Variants in RBFOX1 observed in about 807,000 individuals in gnomAD.
The protein encoded by RBFOX1 is RNA binding protein fox-1 homolog 1.
RBFOX1 carries 8 observed loss-of-function variants against 57.7 expected under a neutral mutation model. That is an observed-to-expected ratio of 0.14 (90% CI 0.08 to 0.25). RBFOX1 has a LOEUF of 0.25. Ranked by LOEUF, RBFOX1 falls within the 10% of genes least tolerant of loss-of-function variation. The probability of loss-of-function intolerance (pLI) is 1.00; values close to 1 mark genes in which losing one functional copy is unlikely to be tolerated. For synonymous variants in RBFOX1, 326 were observed against 222.4 expected (o/e 1.47, Z -4.15); for missense variants, 611 against 548.5 (o/e 1.11, Z -1.14).
At chr16:6,407,025 G>C (rs2093305693) in intron 2 of RBFOX1, among the ~76,000 whole-genome samples, 1 of 152,164 alleles carries the variant, frequency 6.6e-6, no homozygotes, top group Non-Finnish European at 1.5e-5. Flanking sequence ...TCTTTTGAAA[G>C]AGGTTTGGAA....
chr16:7,084,246 ATATG>A (rs1337119155), intron 4 of RBFOX1, among the ~76,000 whole-genome samples: 1 of 152,186 alleles, frequency 6.6e-6, no homozygotes, highest in Non-Finnish European at 1.5e-5. Flanking sequence ...ATATATGTAT[ATATG>A]TGTGTGTGTG....
At chr16:6,953,969 A>T (rs2081274503) in intron 3 of RBFOX1, among the ~76,000 whole-genome samples, 1 of 152,150 alleles carries the variant, frequency 6.6e-6, no homozygotes, top group Admixed American at 6.6e-5. Context: ...AAAAGTGTTT[A>T]CAGTTTTACA....
At chr16:6,335,299 G>T (rs2083490632) in intron 2 of RBFOX1, among the ~76,000 whole-genome samples, 1 of 152,092 alleles carries the variant, frequency 6.6e-6, no homozygotes, top group Non-Finnish European at 1.5e-5. Flanking sequence ...TGCGCGTCAG[G>T]CCCCAGGTGG....
At chr16:7,428,723 C>T (rs529335258) in intron 4 of RBFOX1, among the ~76,000 whole-genome samples, 5 of 151,900 alleles carry the variant, frequency 3.3e-5, no homozygotes, top group African/African-American at 9.7e-5. Context: ...AGACAGCTTA[C>T]ATTTGAGTGT....
chr16:6,235,112 A>G (rs1412166945), intron 1 of RBFOX1, among the ~76,000 whole-genome samples: 2 of 152,176 alleles, frequency 1.3e-5, no homozygotes, highest in African/African-American at 4.8e-5. Context: ...GACTCCACTA[A>G]GACCTCACCT....
intron 4 of RBFOX1, among the ~76,000 whole-genome samples, chr16:7,194,717 C>T (rs1183848402): frequency 6.6e-6 from 1 of 151,938 alleles, no homozygotes; most frequent in Non-Finnish European, 1.5e-5. Flanking sequence ...TGCCTGAGCC[C>T]TGGAGTGCAA....
intron 3 of RBFOX1, among the ~76,000 whole-genome samples, chr16:5,859,253 A>T (rs189599226): frequency 1.4e-3 from 210 of 152,246 alleles, no homozygotes; most frequent in African/African-American, 4.9e-3. Context: ...GCTGTTTGCA[A>T]GTGGCTCTGT....
chr16:5,500,117 C>CCTCCTTCCCTCCTTCA (rs2043137456), intron 2 of RBFOX1, among the ~76,000 whole-genome samples: 1 of 97,988 alleles, frequency 1.0e-5, no homozygotes, highest in African/African-American at 5.9e-5. Context: ...CCCTCCCTTC[C>CCTCCTTCCCTCCTTCA]CTCCTTCCCT....
At chr16:7,264,117 C>T (rs1447790020) in intron 4 of RBFOX1, among the ~76,000 whole-genome samples, 1 of 152,016 alleles carries the variant, frequency 6.6e-6, no homozygotes, top group African/African-American at 2.4e-5. Flanking sequence ...AAATGACTAC[C>T]CTCTTTGTAG....
intron 3 of RBFOX1, among the ~76,000 whole-genome samples, chr16:6,675,375 T>A (rs1393443682): frequency 6.6e-6 from 1 of 152,162 alleles, no homozygotes; most frequent in African/African-American, 2.4e-5. Context: ...TCTCATTTTT[T>A]TTTTCTTGGA....
At chr16:5,607,622 G>T (rs2047632286) in intron 3 of RBFOX1, among the ~76,000 whole-genome samples, 1 of 152,042 alleles carries the variant, frequency 6.6e-6, no homozygotes, top group Admixed American at 6.6e-5. Flanking sequence ...GCTTAGTAAG[G>T]CTTGTTCTTG....
At chr16:7,704,902 C>T (rs569257744) in intron 14 of RBFOX1, among the ~76,000 whole-genome samples, 1 of 151,872 alleles carries the variant, frequency 6.6e-6, no homozygotes, top group Non-Finnish European at 1.5e-5. Flanking sequence ...CAAAATTTAG[C>T]CACGTATGGT....
At chr16:5,433,074 C>T (rs1313693563) in intron 1 of RBFOX1, among the ~76,000 whole-genome samples, 4 of 152,086 alleles carry the variant, frequency 2.6e-5, no homozygotes, top group Non-Finnish European at 5.9e-5. Context: ...CGCAGGAGAC[C>T]GAAGACGTTA....
At chr16:7,467,866 T>C (rs1272758071) in intron 4 of RBFOX1, among the ~76,000 whole-genome samples, 2 of 152,234 alleles carry the variant, frequency 1.3e-5, no homozygotes, top group Non-Finnish European at 2.9e-5. Flanking sequence ...GCCAAAGTAA[T>C]GAGCCTGATC....
chr16:6,985,802 C>G (rs1387952289), intron 3 of RBFOX1, among the ~76,000 whole-genome samples: 2 of 138,556 alleles, frequency 1.4e-5, no homozygotes, highest in South Asian at 2.3e-4. Flanking sequence ...CTACTGCACT[C>G]CGGCCTGGGC....
chr16:6,369,652 C>A (rs1338548771), intron 2 of RBFOX1, among the ~76,000 whole-genome samples: 1 of 152,266 alleles, frequency 6.6e-6, no homozygotes, highest in African/African-American at 2.4e-5. Context: ...GTTTTAATTA[C>A]CCTCCAACCT....
At position 7,411,116 on chromosome 16, in the gene RBFOX1, T is replaced by C. The variant is rs1464076584; in HGVS notation, c.28-107031T>C. Among the ~76,000 whole-genome samples, 3 of 152,160 alleles carry C rather than the reference T, an allele frequency of 2.0e-5. No homozygotes were observed. In the East Asian group the frequency reaches 5.8e-4, roughly 29 times the overall value. On this transcript the variant is annotated intron_variant, in intron 4 of 15. Transcript: ENST00000550418. ...GTGAGCCACCATGCCTGACCAATTT[T>C]TGTATTTTTAGTAGAGACGGGGTTT...
At chr16:7,519,326 G>C (rs1266143543) in intron 5 of RBFOX1, among the ~76,000 whole-genome samples, 3 of 152,120 alleles carry the variant, frequency 2.0e-5, no homozygotes, top group Non-Finnish European at 4.4e-5. Context: ...CTGGACCAAA[G>C]GGCAGGGGCT....
intron 4 of RBFOX1, among the ~76,000 whole-genome samples, chr16:7,215,874 G>A (rs1040627321): frequency 4.6e-5 from 7 of 152,076 alleles, no homozygotes; most frequent in Non-Finnish European, 7.4e-5. Flanking sequence ...ACAGGCGTCT[G>A]CCACGGCACC....
Sources: allele counts gnomAD v4.1 joint callset (sites outside exome capture counted in the v4.1 genomes callset), GRCh38; gene constraint gnomAD v4.1.1; transcripts MANE v1.5; gene names NCBI Gene and HGNC (gene_info 2026-07-23, HGNC 2026-07-21).